Variants in OR2L5 observed in about 807,000 individuals in gnomAD.
OR2L5 encodes olfactory receptor family 2 subfamily L member 5.
For synonymous variants in OR2L5, 169 were observed against 142.0 expected (o/e 1.19, Z -1.35); for missense variants, 413 against 381.6 (o/e 1.08, Z -0.69).
Position 248,022,511 on chromosome 1 carries a change from T to TACAG in OR2L5, c.568_571dup (p.Thr191ArgfsTer6). On this transcript the variant is annotated frameshift_variant, in exon 2 of 2. Transcript: ENST00000355281. LOFTEE classifies it low-confidence loss of function (END_TRUNC). The stretch of plus-strand genomic sequence containing the variant: ...TTCCAGCTATGTTGACATTAGCCTG[T>TACAG]ACAGACACCTGGGTCTATGAGTACA... The TACAG allele has an allele frequency of 6.2e-7, 1 of 1,614,202 alleles. No homozygotes were observed. Among genetic ancestry groups the TACAG allele is most frequent in the Non-Finnish European group, 8.5e-7 (1 of 1,180,032 alleles).
In OR2L5 at chr1:248,022,744, C is replaced by T. The variant is rs1279833425; in HGVS notation, c.797C>T (p.Ser266Phe). Residue 266 changes from serine to phenylalanine, a missense_variant, in exon 2 of 2, where the codon TCT becomes TTT. Coordinates refer to ENST00000355281, the MANE Select transcript of OR2L5 (RefSeq NM_001258284.2). Reference sequence around the variant, plus strand: ...TATCTATGTCCAAGATCCCTGCGATCTCTGACAGAGGACAAGGTTCTGGCT... The same window carrying T: ...TATCTATGTCCAAGATCCCTGCGATTTCTGACAGAGGACAAGGTTCTGGCT... ...YTYLCPRSLR[S>F]LTEDKVLAVF... 1 of 1,614,152 alleles carries T rather than the reference C, an allele frequency of 6.2e-7. No homozygotes were observed. The highest frequency in any genetic ancestry group is 8.5e-7 in the Non-Finnish European group (1 of 1,180,022).
rs779262773 is a variant in OR2L5 at position 248,022,083 on chromosome 1, C to T, written c.136C>T (p.Leu46Phe). ...TCTAATTGGAAACCTATCCATGATT[C>T]TTCTCATCTTCTTGGACACCCATCT... is the stretch of plus-strand genomic sequence containing the variant. Reference protein sequence around the residue: ...MALIGNLSMILLIFLDTHLHT... With the variant: ...MALIGNLSMIFLIFLDTHLHT... The change falls in exon 2 of 2, where the codon CTT (leucine) becomes TTT (phenylalanine). Residue 46 changes from leucine to phenylalanine, a missense_variant. Leu to Phe is a conservative substitution (Grantham distance 22). Transcript: ENST00000355281. The T allele has an allele frequency of 6.2e-7, 1 of 1,613,768 alleles. No homozygotes were observed. Among genetic ancestry groups the T allele is most frequent in the African/African-American group, 1.3e-5 (1 of 74,896 alleles).
intron 1 of OR2L5, among the ~76,000 whole-genome samples, chr1:248,014,522 G>T (rs1192108508): frequency 2.6e-5 from 4 of 151,954 alleles, no homozygotes; most frequent in Non-Finnish European, 5.9e-5. Context: ...TGAAATAATA[G>T]AAATATTATT....
chr1:248,020,147 T>C, intron 1 of OR2L5, among the ~76,000 whole-genome samples: 1 of 152,098 alleles, frequency 6.6e-6, no homozygotes, highest in East Asian at 1.9e-4. Context: ...TTGATTACCA[T>C]AGCTTTTGGA....
chr1:248,020,756 T>G (rs1662315033), intron 1 of OR2L5, among the ~76,000 whole-genome samples: 1 of 152,022 alleles, frequency 6.6e-6, no homozygotes, highest in African/African-American at 2.4e-5. Context: ...TGACTTGGAA[T>G]TATTATTTTT....
chr1:248,021,682 T>C (rs73141312), intron 1 of OR2L5, among the ~76,000 whole-genome samples: 8,120 of 152,268 alleles, frequency 0.053, 680 homozygotes, highest in African/African-American at 0.18. Flanking sequence ...AAACTGCATT[T>C]GCATAACTTT....
chr1:248,018,104 G>A (rs560082841), intron 1 of OR2L5, among the ~76,000 whole-genome samples: 16 of 148,476 alleles, frequency 1.1e-4, no homozygotes, highest in South Asian at 8.4e-4. Flanking sequence ...GCAGTGAGCC[G>A]AGATCACACC....
rs1179375724 is a variant in OR2L5, at chr1:248,022,419, C to T, written c.472C>T (p.His158Tyr). 2 of 1,614,046 alleles carry T rather than the reference C, an allele frequency of 1.2e-6. No individual in the cohort carries two copies. Among genetic ancestry groups the T allele is most frequent in the African/African-American group, 2.7e-5 (2 of 74,922 alleles). ...GATAGGCTCCATCAACTCTTGTGCT[C>T]ACACAGTATATGCATTCCGTATCCC... ...WMIGSINSCAHTVYAFRIPYC... is the reference protein window; with the variant it reads ...WMIGSINSCAYTVYAFRIPYC... The change falls in exon 2 of 2, where the codon CAC becomes TAC. Residue 158 changes from histidine to tyrosine, a missense_variant. Transcript: ENST00000355281.
rs755370992 is a variant in OR2L5 at position 248,022,715 on chromosome 1, T to C, written c.768T>C (p.Tyr256=). The change falls in exon 2 of 2, where the codon TAT becomes TAC. Residue 256 remains tyrosine, a synonymous_variant. Coordinates refer to ENST00000355281, the MANE Select transcript of OR2L5 (RefSeq NM_001258284.2). ...VVTFYYAPFA[Y]TYLCPRSLRS... ...CTTTCTACTATGCACCCTTTGCTTA[T>C]ACCTATCTATGTCCAAGATCCCTGC... The C allele has an allele frequency of 1.2e-6, 2 of 1,614,208 alleles. No individual in the cohort carries two copies. The highest frequency in any genetic ancestry group is 1.7e-6 in the Non-Finnish European group (2 of 1,180,032).
chr1:248,016,762 T>G (rs1360664687), intron 1 of OR2L5, among the ~76,000 whole-genome samples: 1 of 152,006 alleles, frequency 6.6e-6, no homozygotes, highest in Non-Finnish European at 1.5e-5. Flanking sequence ...TTCATAGATA[T>G]GTATGTGTGT....
Position 248,022,283 on chromosome 1 carries a change from G to C in OR2L5, c.336G>C (p.Leu112=). ...FFMTFAGAEA[L]LLTSMAYDRY... is the part of the protein sequence containing the mutation. ...TGACTTTTGCAGGTGCAGAAGCGCT[G>C]CTCCTGACATCAATGGCCTATGATC... Residue 112 remains leucine (L), a synonymous_variant, in exon 2 of 2, where the codon CTG becomes CTC. Transcript: ENST00000355281. 1.2e-6 allele frequency: 2 copies of C among 1,614,138 alleles called. No homozygotes were observed. Among genetic ancestry groups the C allele is most frequent in the Non-Finnish European group, 1.7e-6 (2 of 1,180,008 alleles).
chr1:248,022,686 G>C lies in OR2L5; in HGVS notation c.739G>C (p.Val247Leu). The change falls in exon 2 of 2, where the codon GTA (valine) becomes CTA (leucine). Residue 247 changes from valine to leucine, a missense_variant. By Grantham distance (32) the Val-to-Leu change is conservative (BLOSUM62 1). Transcript: ENST00000355281. ...GACCTGCAGCACCCACCTCACTGTA[G>C]TAACTTTCTACTATGCACCCTTTGC... ...YSTCSTHLTV[V>L]TFYYAPFAYT... 6.2e-7 allele frequency: 1 copy of C among 1,614,112 alleles called. No homozygotes were observed. The highest frequency in any genetic ancestry group is 8.5e-7 in the Non-Finnish European group (1 of 1,179,998).
chr1:248,016,287 T>C (rs547134170), intron 1 of OR2L5, among the ~76,000 whole-genome samples: 1 of 152,314 alleles, frequency 6.6e-6, no homozygotes, highest in Non-Finnish European at 1.5e-5. Flanking sequence ...CTCAACTTGA[T>C]TTACACAGGA....
At chr1:248,019,372 C>T (rs1321632802) in intron 1 of OR2L5, among the ~76,000 whole-genome samples, 1 of 152,058 alleles carries the variant, frequency 6.6e-6, no homozygotes, top group Non-Finnish European at 1.5e-5. Context: ...GTATATTTTA[C>T]TTACAATATT....
chr1:248,014,471 A>G (rs965866892), intron 1 of OR2L5, among the ~76,000 whole-genome samples: 1 of 152,086 alleles, frequency 6.6e-6, no homozygotes, highest in African/African-American at 2.4e-5. Flanking sequence ...ATTTTGCAAT[A>G]TATTTATTTT....
At position 248,022,214 on chromosome 1, in the gene OR2L5, G is replaced by A; in HGVS notation, c.267G>A (p.Lys89=). 6.2e-7 allele frequency: 1 copy of A among 1,614,112 alleles called. No individual in the cohort carries two copies. The highest frequency in any genetic ancestry group is 1.1e-5 in the South Asian group (1 of 91,080). The change falls in exon 2 of 2, where the codon AAG becomes AAA. Residue 89 remains lysine, a synonymous_variant. Transcript: ENST00000355281. ...CTTCTGATTTTCTGTATGGAAACAA[G>A]TCTATCTCCTTCATTGGGTGTGGGA... The part of the protein sequence containing the change: ...KMASDFLYGN[K]SISFIGCGIQ...
intron 1 of OR2L5, among the ~76,000 whole-genome samples, chr1:248,014,724 T>C (rs1455319305): frequency 6.6e-6 from 1 of 152,132 alleles, no homozygotes; most frequent in African/African-American, 2.4e-5. Context: ...TCTTCAATGA[T>C]ACACCCAGTC....
Position 248,022,139 on chromosome 1 carries a change from G to A in OR2L5, c.192G>A (p.Gln64=). The change falls in exon 2 of 2, where the codon CAG becomes CAA. Residue 64 remains glutamine (Q), a synonymous_variant. Transcript: ENST00000355281. ...CACCCATGTATTTCCTGCTTAGTCA[G>A]CTCTCCCTCATTGACCTAAATTACA... The part of the protein sequence containing the change: ...LHTPMYFLLS[Q]LSLIDLNYIS... The A allele has an allele frequency of 6.2e-7, 1 of 1,613,892 alleles. No individual in the cohort carries two copies. Among genetic ancestry groups the A allele is most frequent in the Non-Finnish European group, 8.5e-7 (1 of 1,179,858 alleles).
In OR2L5 at chr1:248,023,015, T is replaced by A. The variant is rs750291435; in HGVS notation, c.*129T>A. On this transcript the variant is annotated 3_prime_UTR_variant, in exon 2 of 2. Coordinates refer to ENST00000355281, the MANE Select transcript of OR2L5 (RefSeq NM_001258284.2). ...TTAATCCAGAATGTTTGTCTTTTAA[T>A]TTAGTCTTGACATTATAGTTGCATA... The A allele has an allele frequency of 7.8e-4, 698 of 898,500 alleles. 1 individual carries two copies. Among genetic ancestry groups the A allele is most frequent in the Non-Finnish European group, 9.9e-4 (600 of 603,788 alleles). 55.7% of individuals were successfully genotyped at this position (898,500 alleles called of 1,614,324 possible). A position where few individuals can be genotyped will look rare whatever the true frequency, so the allele number is the denominator to read the frequency against.
Sources: gnomAD v4.1 joint callset for allele counts (sites outside exome capture counted in the v4.1 genomes callset) on GRCh38, gnomAD v4.1.1 for gene constraint, MANE v1.5 for transcripts, NCBI Gene and HGNC (gene_info 2026-07-23, HGNC 2026-07-21) for gene names.